Variants in KCNN2 observed in about 807,000 individuals in gnomAD.
The protein encoded by KCNN2 is small conductance calcium-activated potassium channel protein 2.
A neutral mutation model predicts 55.5 loss-of-function variants in KCNN2; 24 were observed. The observed-to-expected ratio is 0.43, with a 90% CI of 0.31 to 0.61. KCNN2 has a LOEUF of 0.61. KCNN2 is among the 20% of genes least tolerant of loss of function. The pLI is 0.08. For synonymous variants in KCNN2, 431 were observed against 336.1 expected (o/e 1.28, Z -3.09); for missense variants, 754 against 853.6 (o/e 0.88, Z 1.45).
intron 5 of KCNN2, chr5:114,486,790 A>T (rs754698141): frequency 7.4e-7 from 1 of 1,348,638 alleles, no homozygotes; most frequent in Non-Finnish European, 9.7e-7. Context: ...ATAAAAAAGA[A>T]GTTTCCTGAA....
At chr5:114,179,768 G>A (rs771982159) in intron 1 of KCNN2, among the ~76,000 whole-genome samples, 14 of 152,014 alleles carry the variant, frequency 9.2e-5, no homozygotes, top group Admixed American at 2.0e-4. Flanking sequence ...ATAAGACTCA[G>A]CCATATAGTA....
chr5:114,333,303 A>G (rs767856548), intron 2 of KCNN2, among the ~76,000 whole-genome samples: 2 of 152,184 alleles, frequency 1.3e-5, no homozygotes, highest in Non-Finnish European at 2.9e-5. Context: ...TGTGAACACA[A>G]ATGAGTTTTC....
chr5:114,079,844 T>TGAGAGA (rs370135875), intron 1 of KCNN2, among the ~76,000 whole-genome samples: 2 of 149,446 alleles, frequency 1.3e-5, no homozygotes, highest in East Asian at 2.0e-4. Flanking sequence ...TGTGTGTGTG[T>TGAGAGA]GAGAGAGAGA....
chr5:114,272,742 A>T (rs1755381761), intron 2 of KCNN2, among the ~76,000 whole-genome samples: 1 of 152,116 alleles, frequency 6.6e-6, no homozygotes, highest in Non-Finnish European at 1.5e-5. Flanking sequence ...TTTTTGCCTT[A>T]TACCCAGTTC....
intron 2 of KCNN2, among the ~76,000 whole-genome samples, chr5:114,316,150 C>T (rs1164548685): frequency 6.6e-6 from 1 of 151,978 alleles, no homozygotes; most frequent in East Asian, 1.9e-4. Context: ...ATCAGGAGCC[C>T]CTAAATTAAA....
chr5:114,171,388 C>A (rs1753029358), intron 1 of KCNN2, among the ~76,000 whole-genome samples: 1 of 151,934 alleles, frequency 6.6e-6, no homozygotes. Flanking sequence ...CATTGCCTTG[C>A]AAAATATCAA....
At chr5:114,479,507 AT>A (rs1033153798) in intron 5 of KCNN2, among the ~76,000 whole-genome samples, 1 of 152,188 alleles carries the variant, frequency 6.6e-6, no homozygotes, top group African/African-American at 2.4e-5. Flanking sequence ...GAGACAGAAA[AT>A]TGTAACAGAG....
chr5:114,377,077 C>T (rs945166547), intron 2 of KCNN2, among the ~76,000 whole-genome samples: 1 of 152,058 alleles, frequency 6.6e-6, no homozygotes, highest in South Asian at 2.1e-4. Flanking sequence ...GAGCCCGTCT[C>T]TTAAAAAAAT....
intron 2 of KCNN2, among the ~76,000 whole-genome samples, chr5:114,258,229 G>A (rs1755020452): frequency 6.6e-6 from 1 of 152,118 alleles, no homozygotes; most frequent in Admixed American, 6.6e-5. Flanking sequence ...TTGATGTGCT[G>A]TTCATTTAGG....
At chr5:114,344,481 G>A (rs1447603534) in intron 2 of KCNN2, among the ~76,000 whole-genome samples, 1 of 152,178 alleles carries the variant, frequency 6.6e-6, no homozygotes, top group Non-Finnish European at 1.5e-5. Flanking sequence ...AACAACCTGG[G>A]AAGCTCTTTC....
rs970314658 is a variant in KCNN2 at position 114,083,101 on chromosome 5, T to A, written c.-271+26601T>A. ...TTACCACAATATAAATCTAAAAAAA[T>A]ATTTGTAATATAGCCTTTATTGTCC... On this transcript the variant is annotated intron_variant, in intron 1 of 10. Transcript: ENST00000512097. 4.6e-5 allele frequency among the ~76,000 whole-genome samples: 7 copies of A among 152,226 alleles called. No individual in the cohort carries two copies. The South Asian group carries it at 1.2e-3, about 27-fold the overall frequency.
At chr5:114,379,637 G>GTAGAATATATTATATAACATATATATTTA (rs1192677800) in intron 2 of KCNN2, among the ~76,000 whole-genome samples, 6 of 86,090 alleles carry the variant, frequency 7.0e-5, no homozygotes, top group Admixed American at 1.3e-4. Flanking sequence ...TTATATATTT[G>GTAGAATATATTATATAACATATATATTTA]TAGAATATAT....
At chr5:114,445,927 G>A (rs1049832052) in intron 3 of KCNN2, among the ~76,000 whole-genome samples, 2 of 152,142 alleles carry the variant, frequency 1.3e-5, no homozygotes, top group Non-Finnish European at 2.9e-5. Context: ...CACAGTATGG[G>A]CAGGATCACG....
rs545509900 is a variant in KCNN2 at position 114,172,985 on chromosome 5, G to A, written c.-270-48495G>A. Among the ~76,000 whole-genome samples the A allele has an allele frequency of 3.3e-3, 504 of 151,974 alleles. 3 individuals carry two copies. The highest frequency in any genetic ancestry group is 0.012 in the African/African-American group (486 of 41,510). On this transcript the variant is annotated intron_variant, in intron 1 of 10. Coordinates refer to the KCNN2 transcript ENST00000512097. ...TGCTTTGGTTGCCAGTGCTTGTGGG[G>A]TATTACTCCAGAAATCTTTGCCCAG...
At chr5:114,365,777 A>C (rs1215472544) in intron 2 of KCNN2, among the ~76,000 whole-genome samples, 1 of 152,384 alleles carries the variant, frequency 6.6e-6, no homozygotes, top group East Asian at 1.9e-4. Flanking sequence ...TTAAAAATCA[A>C]GTTAACTTGA....
At chr5:114,357,552 T>C (rs1384888169), upstream of KCNN2, among the ~76,000 whole-genome samples, 1 of 129,262 alleles carries the variant, frequency 7.7e-6, no homozygotes, top group Non-Finnish European at 1.6e-5. Flanking sequence ...ATGCGGTGTT[T>C]GGTTTTTTGT....
chr5:114,238,455 G>A (rs369666510), intron 2 of KCNN2, among the ~76,000 whole-genome samples: 15 of 151,882 alleles, frequency 9.9e-5, no homozygotes, highest in Non-Finnish European at 2.1e-4. Flanking sequence ...GTGAAACCCC[G>A]TCTCTACTAA....
chr5:114,101,856 C>T (rs190486839), intron 1 of KCNN2, among the ~76,000 whole-genome samples: 152 of 152,170 alleles, frequency 1.0e-3, no homozygotes, highest in Admixed American at 1.9e-3. Flanking sequence ...GGGTTGGTTC[C>T]AAGTCTTTGC....
At chr5:114,378,009 G>A (rs1665123585) in intron 2 of KCNN2, among the ~76,000 whole-genome samples, 1 of 152,138 alleles carries the variant, frequency 6.6e-6, no homozygotes, top group African/African-American at 2.4e-5. Flanking sequence ...AAGGTGGGAA[G>A]GGGGAAAGGC....
Sources: allele counts gnomAD v4.1 joint callset (sites outside exome capture counted in the v4.1 genomes callset), GRCh38; gene constraint gnomAD v4.1.1; transcripts MANE v1.5; gene names NCBI Gene and HGNC (gene_info 2026-07-23, HGNC 2026-07-21).